The following POC5 variants were observed in gnomAD, a reference collection of about 807,000 sequenced individuals.
The protein encoded by POC5 is POC5 centriolar protein, also known as centrosomal protein POC5.
POC5 carries 48 observed loss-of-function variants against 62.9 expected under a neutral mutation model. That is an observed-to-expected ratio of 0.76 (90% CI 0.61 to 0.97). The LOEUF is 0.97. Among genes scored for constraint, POC5 ranks in the 50% least tolerant of loss-of-function variants. The probability of loss-of-function intolerance (pLI) is 0.00; values close to 1 mark genes in which losing one functional copy is unlikely to be tolerated. For missense variants in POC5, 696 were observed against 679.5 expected (o/e 1.02, Z -0.27); for synonymous variants, 236 against 228.2 (o/e 1.03, Z -0.31).
intron 8 of POC5, among the ~76,000 whole-genome samples, chr5:75,690,059 T>A (rs1776260002): frequency 6.6e-6 from 1 of 152,088 alleles, no homozygotes. Flanking sequence ...CTAATTTTTT[T>A]AGTAGAGACG....
At chr5:75,705,322 C>T (rs990022820) in intron 4 of POC5, 7 of 156,772 alleles carry the variant, frequency 4.5e-5, no homozygotes, top group African/African-American at 1.7e-4. Context: ...GATGGCGTAA[C>T]AGGTGGCATA....
At chr5:75,678,122 C>T (rs571173029) in intron 10 of POC5, among the ~76,000 whole-genome samples, 172 bp from the exon 11 acceptor site, 1 of 152,088 alleles carries the variant, frequency 6.6e-6, no homozygotes, top group South Asian at 2.1e-4. Context: ...CAAAACTGAA[C>T]ACCCCAAAAT....
intron 2 of POC5, chr5:75,709,611 T>A (rs1777262022): frequency 6.6e-6 from 1 of 152,170 alleles, no homozygotes; most frequent in Admixed American, 6.5e-5. Context: ...AACATTTAAT[T>A]TTTACATTGA....
chr5:75,698,798 G>C (rs374014312), intron 5 of POC5, among the ~76,000 whole-genome samples: 44,429 of 151,394 alleles, frequency 0.29, 6,651 homozygotes, highest in African/African-American at 0.34. Context: ...TTGAAAGGAT[G>C]AACAAAATTG....
Position 75,685,366 on chromosome 5 carries a change from C to T in POC5, c.1248G>A (p.Leu416=). The change falls in exon 10 of 12, where the codon CTG becomes CTA. Residue 416 remains leucine, a synonymous_variant. Transcript: ENST00000428202. ...PPMPLPVTSP[L]LPSPPAAVGG... is the part of the protein sequence containing the mutation. ...CGACGGCGGCTGGTGGGGATGGCAG[C>T]AGTGGTGATGTAACTGGTAAGGGCA... 6.2e-7 allele frequency: 1 copy of T among 1,613,984 alleles called. No individual in the cohort carries two copies. The highest frequency in any genetic ancestry group is 8.5e-7 in the Non-Finnish European group (1 of 1,179,904).
intron 3 of POC5, 29 bp from the exon 4 acceptor site, chr5:75,705,816 A>T (rs2112191168): frequency 7.4e-7 from 1 of 1,350,976 alleles, no homozygotes; most frequent in South Asian, 1.4e-5. Flanking sequence ...TTTAAAATTA[A>T]ACTGAACCAC....
Position 75,717,353 on chromosome 5 carries a change from G to C in POC5, c.-62C>G, listed in dbSNP as rs1039051637. 1.3e-5 allele frequency: 2 copies of C among 152,278 alleles called. No homozygotes were observed. The highest frequency in any genetic ancestry group is 4.8e-5 in the African/African-American group (2 of 41,466). The allele number at this position is 152,278 out of a possible 1,614,324, so 9.4% of individuals were successfully genotyped here. On this transcript the variant is annotated 5_prime_UTR_variant, in exon 1 of 12. Coordinates refer to ENST00000428202, the MANE Select transcript of POC5 (RefSeq NM_001099271.2). Reference sequence around the variant, plus strand: ...CCGACTCCTCGCTCTGCGCCTCTTAGCCGCGTCGCAGCTGCAGTGTCAGCA... The same window carrying C: ...CCGACTCCTCGCTCTGCGCCTCTTACCCGCGTCGCAGCTGCAGTGTCAGCA...
In POC5 at chr5:75,705,732, G is replaced by T. The variant is rs866759700; in HGVS notation, c.279C>A (p.Phe93Leu). 1 of 1,551,430 alleles carries T rather than the reference G, an allele frequency of 6.4e-7. No individual in the cohort carries two copies. The highest frequency in any genetic ancestry group is 8.7e-7 in the Non-Finnish European group (1 of 1,148,374). Residue 93 changes from phenylalanine (F) to leucine (L), a missense_variant, in exon 4 of 12, where the codon TTC becomes TTA. Physicochemically the swap from Phe to Leu is conservative, Grantham distance 22. Coordinates refer to ENST00000428202, the MANE Select transcript of POC5 (RefSeq NM_001099271.2). ...CTGTCTTTGAATGACTTGAAATATG[G>T]AAATCACATCCTTTTCCAACTTCTA... Reference protein sequence around the residue: ...TAIEVGKGCDFHISSHSKTDE... With the variant: ...TAIEVGKGCDLHISSHSKTDE...
intron 5 of POC5, among the ~76,000 whole-genome samples, chr5:75,698,232 C>T (rs1406137652): frequency 5.6e-5 from 8 of 141,656 alleles, no homozygotes; most frequent in African/African-American, 1.6e-4. Context: ...TAGATATCTA[C>T]AGAACTCTCC....
chr5:75,715,843 C>CAGTCAGCAAAGAAGAGG (rs374187472), intron 1 of POC5, among the ~76,000 whole-genome samples: 2 of 152,124 alleles, frequency 1.3e-5, no homozygotes, highest in African/African-American at 4.8e-5. Flanking sequence ...AAGAGAAGAA[C>CAGTCAGCAAAGAAGAGG]AGTCAGCAAA....
intron 7 of POC5, 99 bp downstream of exon 7, chr5:75,692,297 C>A: frequency 1.3e-6 from 1 of 786,900 alleles, no homozygotes. Context: ...ATCACAAATT[C>A]ATTTTGACTT....
intron 7 of POC5, among the ~76,000 whole-genome samples, chr5:75,691,201 T>C (rs1776319028): frequency 6.6e-6 from 1 of 152,252 alleles, no homozygotes; most frequent in South Asian, 2.1e-4. Context: ...TAAATATGTA[T>C]TCTCATTATT....
intron 1 of POC5, among the ~76,000 whole-genome samples, chr5:75,714,309 G>T (rs1055328930): frequency 6.6e-6 from 1 of 152,126 alleles, no homozygotes; most frequent in African/African-American, 2.4e-5. Context: ...TAGAACCCTG[G>T]GGGTGGAGGC....
chr5:75,690,367 A>C lies in POC5; in HGVS notation c.975+16T>G. On this transcript the variant is annotated intron_variant, in intron 8 of 11. Transcript: ENST00000428202. ...ATTGTATTAGAAGAAAGTGAAAACC[A>C]GAAAAAGATGCTTACCATAGCAACT... 3.8e-6 allele frequency: 6 copies of C among 1,587,188 alleles called. No homozygotes were observed. Among genetic ancestry groups the C allele is most frequent in the Non-Finnish European group, 5.1e-6 (6 of 1,168,652 alleles).
chr5:75,683,720 T>C (rs912737966), intron 10 of POC5, among the ~76,000 whole-genome samples: 6 of 149,852 alleles, frequency 4.0e-5, no homozygotes, highest in African/African-American at 7.5e-5. Context: ...AAAAAAAAAA[T>C]TAGAGACAGG....
At chr5:75,684,657 C>T (rs1190985241) in intron 10 of POC5, among the ~76,000 whole-genome samples, 1 of 152,088 alleles carries the variant, frequency 6.6e-6, no homozygotes, top group Non-Finnish European at 1.5e-5. Flanking sequence ...GCCACCGCGC[C>T]CGGCTCCTAC....
rs751599579 is a variant in POC5, at chr5:75,692,399, C to G, written c.792G>C (p.Gln264His). The G allele has an allele frequency of 1.9e-6, 3 of 1,580,292 alleles. No individual in the cohort carries two copies. In the African/African-American group the frequency reaches 4.1e-5, roughly 22 times the overall value. Residue 264 changes from glutamine to histidine, a missense_variant, in exon 7 of 12, where the codon CAG becomes CAC. Transcript: ENST00000428202. ...TGTCTTCTGCTTTGACACTTACATC[C>G]TGTCTGGCTCTGACATGGCCGATTC... Reference protein sequence around the residue: ...HWRIGHVRARQDVYEGKLADQ... With the variant: ...HWRIGHVRARHDVYEGKLADQ...
At position 75,701,182 on chromosome 5, in the gene POC5, A is replaced by T. The variant is rs532989502; in HGVS notation, c.513+1423T>A. On this transcript the variant is annotated intron_variant, in intron 5 of 11. Transcript: ENST00000428202. ...TGTGGCGATTCCTCAGGGATCTAGAACTACAAATACCATTTGACCCAGCCA... is the reference window on the plus strand; with the variant it reads ...TGTGGCGATTCCTCAGGGATCTAGATCTACAAATACCATTTGACCCAGCCA... 1.4e-4 allele frequency among the ~76,000 whole-genome samples: 19 copies of T among 140,598 alleles called. 2 individuals are homozygous for T. Among genetic ancestry groups the T allele is most frequent in the Non-Finnish European group, 2.4e-4 (15 of 62,808 alleles). The allele number at this position is 140,598 out of a possible 152,430, so 92.2% of individuals were successfully genotyped here. A position where few individuals can be genotyped will look rare whatever the true frequency, so the allele number is the denominator to read the frequency against.
chr5:75,704,441 T>C (rs1259475844), intron 4 of POC5, among the ~76,000 whole-genome samples: 1 of 152,210 alleles, frequency 6.6e-6, no homozygotes, highest in Non-Finnish European at 1.5e-5. Flanking sequence ...GGGAAAATAA[T>C]TCCCTAACAT....
Sources: allele counts gnomAD v4.1 joint callset (sites outside exome capture counted in the v4.1 genomes callset), GRCh38; gene constraint gnomAD v4.1.1; transcripts MANE v1.5; gene names NCBI Gene and HGNC (gene_info 2026-07-23, HGNC 2026-07-21).